NRG1: variants seen among roughly 807,000 people sequenced by gnomAD.
The protein encoded by NRG1 is neuregulin 1, also known as pro-neuregulin-1, membrane-bound isoform.
In NRG1, 18 loss-of-function variants were observed where a neutral mutation model predicts 63.8. That is an observed-to-expected ratio of 0.28 (90% confidence interval 0.19 to 0.42). The LOEUF (loss-of-function observed/expected upper bound fraction) is 0.42, where lower values mean the gene tolerates loss of function less well. Among genes scored for constraint, NRG1 ranks in the 10% least tolerant of loss-of-function variants. The pLI is 1.00. For missense variants in NRG1, 762 were observed against 814.7 expected, an observed-to-expected ratio of 0.94 and a Z score of 0.79; for synonymous variants, 302 against 301.3, an observed-to-expected ratio of 1.00 and a Z score of -0.02.
chr8:31,980,156 G>A (rs934147057), intron 1 of NRG1, among the ~76,000 whole-genome samples: 16 of 152,008 alleles, frequency 1.1e-4, no homozygotes, highest in African/African-American at 3.9e-4. Context: ...TAACCACTGT[G>A]CTCTAGGAAC....
At chr8:32,210,326 A>T (rs1361942651) in intron 1 of NRG1, among the ~76,000 whole-genome samples, 2 of 152,196 alleles carry the variant, frequency 1.3e-5, no homozygotes, top group Non-Finnish European at 2.9e-5. Context: ...TGATCAGCAG[A>T]GCAATGGCAT....
intron 1 of NRG1, among the ~76,000 whole-genome samples, chr8:32,387,649 C>T (rs1237474799): frequency 2.0e-5 from 3 of 151,978 alleles, no homozygotes; most frequent in Non-Finnish European, 4.4e-5. Context: ...GATTCTTTAC[C>T]CTAATGAAGT....
chr8:31,843,117 A>G (rs556950042), intron 1 of NRG1, among the ~76,000 whole-genome samples: 21 of 147,714 alleles, frequency 1.4e-4, no homozygotes, highest in Admixed American at 8.2e-4. Context: ...ATTGCCATAA[A>G]GAAAAAAAAA....
chr8:31,640,144 GC>G lies in NRG1; in HGVS notation c.37+714del. 8.5e-7 allele frequency: 1 copy of G among 1,170,674 alleles called. No individual in the cohort carries two copies. Among genetic ancestry groups the G allele is most frequent in the Admixed American group, 4.6e-5 (1 of 21,908 alleles). The allele number at this position is 1,170,674 out of a possible 1,614,324, so 72.5% of individuals were successfully genotyped here. On this transcript the variant is annotated intron_variant, in intron 1 of 10. Transcript: ENST00000519301. This position sits in a 1 kb window ranked among gnomAD's most constrained non-coding sequence, Gnocchi z 6.3. ...GCCGGGGGCGGCGGCCGGCAACGAG[GC>G]GGCTCCCGCGGGGGCCTCGGTGTGC...
At chr8:31,967,101 TG>T (rs1158452432) in intron 1 of NRG1, among the ~76,000 whole-genome samples, 1 of 152,164 alleles carries the variant, frequency 6.6e-6, no homozygotes, top group Non-Finnish European at 1.5e-5. Flanking sequence ...GGGAGTGTAT[TG>T]AAAAACCAGG....
chr8:31,962,391 G>A (rs1805606307), intron 1 of NRG1, among the ~76,000 whole-genome samples: 1 of 152,096 alleles, frequency 6.6e-6, no homozygotes, highest in African/African-American at 2.4e-5. Flanking sequence ...TTTAATAACA[G>A]GAGTTATGGA....
At chr8:31,832,603 G>A (rs558743508) in intron 1 of NRG1, among the ~76,000 whole-genome samples, 3 of 152,048 alleles carry the variant, frequency 2.0e-5, no homozygotes, top group African/African-American at 7.2e-5. Context: ...TGCAATTTAG[G>A]GTCTTTCTTA....
intron 1 of NRG1, among the ~76,000 whole-genome samples, chr8:31,690,528 G>C (rs1809387275): frequency 6.6e-6 from 1 of 152,026 alleles, no homozygotes; most frequent in African/African-American, 2.4e-5. Flanking sequence ...GACGCCTTGG[G>C]CCAAGATGTT....
chr8:32,042,685 TCAA>T (rs1820259772), intron 1 of NRG1, among the ~76,000 whole-genome samples: 1 of 151,872 alleles, frequency 6.6e-6, no homozygotes, highest in African/African-American at 2.4e-5. Context: ...GAAGAAGGTC[TCAA>T]CAAAGAAATA....
chr8:31,686,301 G>T (rs947780895), intron 1 of NRG1, among the ~76,000 whole-genome samples: 3 of 152,042 alleles, frequency 2.0e-5, no homozygotes, highest in Admixed American at 2.0e-4. Context: ...TATCAAAATT[G>T]TCATGTCCTC....
intron 1 of NRG1, among the ~76,000 whole-genome samples, chr8:31,752,640 C>T (rs972060032): frequency 6.6e-6 from 1 of 151,880 alleles, no homozygotes; most frequent in Non-Finnish European, 1.5e-5. Flanking sequence ...GATTGAAAAT[C>T]GGGATGTGAG....
intron 1 of NRG1, among the ~76,000 whole-genome samples, chr8:31,800,636 A>G (rs1431222126): frequency 6.6e-6 from 1 of 152,192 alleles, no homozygotes; most frequent in Non-Finnish European, 1.5e-5. Context: ...GTAATCATAA[A>G]GTTAAATGCC....
chr8:31,656,570 G>C (rs1343318690), intron 1 of NRG1, among the ~76,000 whole-genome samples: 1 of 152,274 alleles, frequency 6.6e-6, no homozygotes, highest in East Asian at 1.9e-4. Flanking sequence ...TTTCTTTGGT[G>C]GTGGGGGATA....
intron 1 of NRG1, among the ~76,000 whole-genome samples, chr8:31,854,594 T>G (rs1381032308): frequency 6.6e-6 from 1 of 152,164 alleles, no homozygotes; most frequent in Non-Finnish European, 1.5e-5. Context: ...TGAAGGGTTT[T>G]TTGTGTCTCT....
At chr8:31,813,516 C>CTTTTCTTTTCTTTTTT in intron 1 of NRG1, among the ~76,000 whole-genome samples, 23 of 101,216 alleles carry the variant, frequency 2.3e-4, no homozygotes, top group East Asian at 1.1e-3. Context: ...CTTTTCTTTT[C>CTTTTCTTTTCTTTTTT]TTTTTTTTTT....
chr8:31,927,583 G>C (rs1163273157), intron 1 of NRG1, among the ~76,000 whole-genome samples: 1 of 148,394 alleles, frequency 6.7e-6, no homozygotes, highest in East Asian at 2.0e-4. Context: ...CAAGTAGCTG[G>C]GACTACAGGC....
intron 1 of NRG1, among the ~76,000 whole-genome samples, chr8:32,344,483 G>A (rs1174838318): frequency 6.7e-6 from 1 of 149,854 alleles, no homozygotes; most frequent in Non-Finnish European, 1.5e-5. Context: ...CCAGGCTGGA[G>A]TGCACTGGTA....
intron 1 of NRG1, among the ~76,000 whole-genome samples, chr8:32,344,372 T>TTTTCTTTCTTTCTTTCTTTCTTCC (rs1554513682): frequency 0.093 from 5,430 of 58,616 alleles, 345 homozygotes; most frequent in South Asian, 0.16. Context: ...CTTTCTTTCT[T>TTTTCTTTCTTTCTTTCTTTCTTCC]TCTTTCTTTC....
At position 32,095,334 on chromosome 8, in the gene NRG1, G is replaced by A. The variant is rs79212541; in HGVS notation, c.37+455903G>A. Among the ~76,000 whole-genome samples the A allele has an allele frequency of 5.4e-3, 829 of 152,212 alleles. 27 individuals are homozygous for A. In the East Asian group the frequency reaches 0.082, roughly 15 times the overall value. On this transcript the variant is annotated intron_variant, in intron 1 of 10. Coordinates refer to the NRG1 transcript ENST00000519301. ...CTCATTGACAACCTCTCATCATCTCGTCAAGCAGAGTTTCCCATATCCTCT... is the reference window on the plus strand; with the variant it reads ...CTCATTGACAACCTCTCATCATCTCATCAAGCAGAGTTTCCCATATCCTCT...
Sources: gnomAD v4.1 joint callset for allele counts (sites outside exome capture counted in the v4.1 genomes callset) on GRCh38, gnomAD v4.1.1 for gene constraint, Gnocchi (gnomAD v3.1) non-coding constraint, MANE v1.5 for transcripts, NCBI Gene and HGNC (gene_info 2026-07-23, HGNC 2026-07-21) for gene names.